FAM193A: variants seen among roughly 807,000 people sequenced by gnomAD.
The protein encoded by FAM193A is protein FAM193A.
In FAM193A, 22 loss-of-function variants were observed where a neutral mutation model predicts 126.5. The ratio of observed to expected loss-of-function variants is 0.17; its 90% CI spans 0.12 to 0.25. FAM193A has a LOEUF of 0.25. FAM193A is among the 10% of genes least tolerant of loss of function. The pLI is 1.00. For missense variants in FAM193A, 1,675 were observed against 1,672.8 expected (o/e 1.00, Z -0.02); for synonymous variants, 761 against 646.8 (o/e 1.18, Z -2.68).
chr4:2,562,290 A>G (rs945296223), intron 1 of FAM193A, among the ~76,000 whole-genome samples: 8 of 152,068 alleles, frequency 5.3e-5, no homozygotes, highest in African/African-American at 1.9e-4. Context: ...CTCTACAAAA[A>G]ATATAGAAAA....
chr4:2,658,337 C>T (rs1396311679), intron 8 of FAM193A, among the ~76,000 whole-genome samples: 1 of 152,124 alleles, frequency 6.6e-6, no homozygotes, highest in Non-Finnish European at 1.5e-5. Flanking sequence ...ATGCCTTCAA[C>T]ATGGCAGCTG....
rs1001806024 is a variant in FAM193A, at chr4:2,693,596, T to C, written c.2814T>C (p.Phe938=). The part of the protein sequence containing the change: ...SKRPPSVGDV[F]HGISKEDHRH... ...CCTCTCTAAATGCAGGTGACGTGTTTCATGGCATCAGCAAGGAGGACCACA... is the reference window on the plus strand; with the variant it reads ...CCTCTCTAAATGCAGGTGACGTGTTCCATGGCATCAGCAAGGAGGACCACA... Residue 938 remains phenylalanine (F), a synonymous_variant, in exon 16 of 21, where the codon TTT becomes TTC. Coordinates refer to ENST00000637812, the MANE Select transcript of FAM193A (RefSeq NM_001366318.2). 8 of 1,610,124 alleles carry C rather than the reference T, an allele frequency of 5.0e-6. No individual in the cohort carries two copies. Among genetic ancestry groups the C allele is most frequent in the Middle Eastern group, 1.6e-4 (1 of 6,068 alleles).
intron 19 of FAM193A, among the ~76,000 whole-genome samples, chr4:2,706,706 T>C (rs924483761): frequency 3.3e-5 from 5 of 151,562 alleles, no homozygotes; most frequent in African/African-American, 1.2e-4. Context: ...TTTTAGAGGC[T>C]CTACATGTTG....
chr4:2,705,661 C>G (rs1718221437), intron 19 of FAM193A, among the ~76,000 whole-genome samples: 1 of 151,980 alleles, frequency 6.6e-6, no homozygotes, highest in Non-Finnish European at 1.5e-5. Context: ...GCGGTCATAG[C>G]TCACTGCAGC....
chr4:2,692,573 T>C (rs1716522701), intron 15 of FAM193A, among the ~76,000 whole-genome samples: 1 of 152,090 alleles, frequency 6.6e-6, no homozygotes, highest in South Asian at 2.1e-4. Flanking sequence ...CTCAGAAGGA[T>C]CCAACGTAAT....
At chr4:2,612,383 T>C (rs890609269) in intron 2 of FAM193A, among the ~76,000 whole-genome samples, 8 of 151,728 alleles carry the variant, frequency 5.3e-5, no homozygotes, top group Admixed American at 3.9e-4. Context: ...CCTGTAATCC[T>C]AGCTACTCGG....
chr4:2,680,379 G>T (rs183621384), intron 13 of FAM193A, among the ~76,000 whole-genome samples: 11 of 152,190 alleles, frequency 7.2e-5, no homozygotes, highest in Admixed American at 7.2e-4. Context: ...GGAGTACAAT[G>T]ACATGATCAT....
At chr4:2,558,935 A>T (rs930601697) in intron 1 of FAM193A, among the ~76,000 whole-genome samples, 1 of 152,196 alleles carries the variant, frequency 6.6e-6, no homozygotes, top group Non-Finnish European at 1.5e-5. Flanking sequence ...CAGAGGGTGG[A>T]AGTTGCATGA....
chr4:2,536,156 CGCGGGCGAGGCGGGCGGG>C (rs1404113733), upstream of FAM193A, among the ~76,000 whole-genome samples: 5 of 151,442 alleles, frequency 3.3e-5, no homozygotes, highest in Non-Finnish European at 7.4e-5. Context: ...CGGACAGGGG[CGCGGGCGAGGCGGGCGGG>C]GCGGGCGGGC....
At chr4:2,586,984 G>A (rs973186182) in intron 1 of FAM193A, among the ~76,000 whole-genome samples, 5 of 152,082 alleles carry the variant, frequency 3.3e-5, no homozygotes, top group South Asian at 4.1e-4. Context: ...CTTAATAGGC[G>A]TTCTGTATTG....
At chr4:2,569,386 C>A (rs2108855475) in intron 1 of FAM193A, among the ~76,000 whole-genome samples, 1 of 152,278 alleles carries the variant, frequency 6.6e-6, no homozygotes, top group Admixed American at 6.5e-5. Flanking sequence ...TTTTATTTAG[C>A]AGTAATACAA....
At chr4:2,621,484 C>A (rs988220734) in intron 2 of FAM193A, among the ~76,000 whole-genome samples, 3 of 152,178 alleles carry the variant, frequency 2.0e-5, no homozygotes, top group African/African-American at 7.2e-5. Context: ...GAACTTTGAC[C>A]TGAGCAACCT....
chr4:2,650,531 G>C (rs767978178), intron 7 of FAM193A, among the ~76,000 whole-genome samples: 1 of 151,256 alleles, frequency 6.6e-6, no homozygotes, highest in African/African-American at 2.5e-5. Flanking sequence ...CACCCTGGCT[G>C]GGGGCAGAGA....
At chr4:2,572,165 CA>C (rs66899515) in intron 1 of FAM193A, among the ~76,000 whole-genome samples, 99,369 of 108,370 alleles carry the variant, frequency 0.92, 45,707 homozygotes, top group East Asian at 0.98. Context: ...CCTCTGTGTC[CA>C]AAAAAAAAAA....
chr4:2,621,397 A>T (rs1742537216), intron 2 of FAM193A, among the ~76,000 whole-genome samples: 1 of 152,202 alleles, frequency 6.6e-6, no homozygotes. Flanking sequence ...AGTATTCTAC[A>T]GTCTACCAGA....
At chr4:2,726,535 C>G (rs1720767293) in intron 20 of FAM193A, among the ~76,000 whole-genome samples, 2 of 152,094 alleles carry the variant, frequency 1.3e-5, no homozygotes, top group Admixed American at 6.6e-5. Context: ...AGTTTGGCTC[C>G]GTTCCTCCTG....
At chr4:2,547,588 ATGTG>A (rs368862235) in intron 1 of FAM193A, among the ~76,000 whole-genome samples, 2 of 147,188 alleles carry the variant, frequency 1.4e-5, no homozygotes. Context: ...TGACCTTAGT[ATGTG>A]TGTGTGTGTG....
At chr4:2,573,805 G>A (rs1297293724) in intron 1 of FAM193A, among the ~76,000 whole-genome samples, 1 of 152,150 alleles carries the variant, frequency 6.6e-6, no homozygotes, top group African/African-American at 2.4e-5. Flanking sequence ...GTCAGGAAAG[G>A]CCTTGCCAGT....
chr4:2,644,636 C>G (rs1744950094), intron 6 of FAM193A, among the ~76,000 whole-genome samples: 1 of 152,100 alleles, frequency 6.6e-6, no homozygotes, highest in Non-Finnish European at 1.5e-5. Flanking sequence ...CCCTAAATGA[C>G]TGCCCAGTTA....
Sources: allele counts gnomAD v4.1 joint callset (sites outside exome capture counted in the v4.1 genomes callset), GRCh38; gene constraint gnomAD v4.1.1; transcripts MANE v1.5; gene names NCBI Gene and HGNC (gene_info 2026-07-23, HGNC 2026-07-21).